Variants in TAFA1 observed in about 807,000 individuals in gnomAD.
TAFA1 encodes chemokine-like protein TAFA-1.
TAFA1 carries 4 observed loss-of-function variants against 18.5 expected under a neutral mutation model. That is an observed-to-expected ratio of 0.22 (90% CI 0.11 to 0.49). The LOEUF (loss-of-function observed/expected upper bound fraction) is 0.49. Ranked by LOEUF, TAFA1 falls within the 20% of genes least tolerant of loss-of-function variation. TAFA1 has a pLI of 0.98. For missense variants in TAFA1, 147 were observed against 169.0 expected (o/e 0.87, Z 0.72); for synonymous variants, 56 against 55.2 (o/e 1.01, Z -0.06).
chr3:68,206,353 G>A (rs2066526234), intron 2 of TAFA1, among the ~76,000 whole-genome samples: 1 of 151,778 alleles, frequency 6.6e-6, no homozygotes, highest in South Asian at 2.1e-4. Flanking sequence ...AAATGAGATA[G>A]ATGTTTTCTT....
chr3:68,299,017 G>A (rs191929822), intron 2 of TAFA1, among the ~76,000 whole-genome samples: 2 of 152,322 alleles, frequency 1.3e-5, no homozygotes, highest in Admixed American at 1.3e-4. Flanking sequence ...ATGTGGGAAA[G>A]TTTGGAACTT....
chr3:68,534,630 C>G (rs2073244795), intron 3 of TAFA1, among the ~76,000 whole-genome samples: 1 of 152,142 alleles, frequency 6.6e-6, no homozygotes, highest in Non-Finnish European at 1.5e-5. Flanking sequence ...TATAACAGTT[C>G]TGAGGACGTT....
chr3:68,180,911 C>T (rs1348988334), intron 2 of TAFA1, among the ~76,000 whole-genome samples: 1 of 152,194 alleles, frequency 6.6e-6, no homozygotes, highest in Non-Finnish European at 1.5e-5. Context: ...GATGTGCCTT[C>T]TGAGATTGGG....
intron 2 of TAFA1, among the ~76,000 whole-genome samples, chr3:68,300,867 C>T (rs541404634): frequency 6.6e-6 from 1 of 152,180 alleles, no homozygotes; most frequent in South Asian, 2.1e-4. Flanking sequence ...GCCTTGCTTC[C>T]CCTTCCACCA....
At chr3:68,487,987 A>C (rs1437881578) in intron 3 of TAFA1, among the ~76,000 whole-genome samples, 1 of 152,190 alleles carries the variant, frequency 6.6e-6, no homozygotes, top group African/African-American at 2.4e-5. Flanking sequence ...TTTCTTCTTT[A>C]CAGATGCCCC....
At chr3:68,328,552 T>C (rs2068812087) in intron 2 of TAFA1, among the ~76,000 whole-genome samples, 1 of 152,196 alleles carries the variant, frequency 6.6e-6, no homozygotes, top group East Asian at 1.9e-4. Flanking sequence ...ATTTCAACCT[T>C]GGTGGATTAT....
chr3:68,080,219 G>C (rs1381585659), intron 2 of TAFA1, among the ~76,000 whole-genome samples: 1 of 152,178 alleles, frequency 6.6e-6, no homozygotes, highest in Non-Finnish European at 1.5e-5. Flanking sequence ...CTGCACGTGA[G>C]ATGGATTTCC....
the TAFA1 span, among the ~76,000 whole-genome samples, chr3:67,997,797 T>C: frequency 6.6e-6 from 1 of 150,886 alleles, no homozygotes; most frequent in African/African-American, 2.4e-5. Flanking sequence ...AGAAAGGCAT[T>C]CCTGTTTTTA....
chr3:68,413,539 C>T (rs1247915343), intron 2 of TAFA1, among the ~76,000 whole-genome samples: 1 of 152,138 alleles, frequency 6.6e-6, no homozygotes, highest in Non-Finnish European at 1.5e-5. Context: ...AACAATAGTT[C>T]TATCTCCATC....
intron 2 of TAFA1, among the ~76,000 whole-genome samples, chr3:68,243,475 C>G (rs1417254837): frequency 6.6e-6 from 1 of 152,082 alleles, no homozygotes. Context: ...ACCTCCTCAC[C>G]CTCTGCCCTG....
chr3:68,427,115 C>A (rs937766909), intron 3 of TAFA1, among the ~76,000 whole-genome samples: 4 of 151,704 alleles, frequency 2.6e-5, no homozygotes, highest in Non-Finnish European at 1.5e-5. Flanking sequence ...TACCTAACTG[C>A]CATAAACTTG....
At chr3:68,327,230 T>G (rs6779953) in intron 2 of TAFA1, among the ~76,000 whole-genome samples, 3,335 of 152,216 alleles carry the variant, frequency 0.022, 149 homozygotes, top group East Asian at 0.17. Flanking sequence ...CTTTATAAAT[T>G]GTCAGTCTCA....
At chr3:68,082,334 TC>T (rs898033669) in intron 2 of TAFA1, among the ~76,000 whole-genome samples, 1 of 152,168 alleles carries the variant, frequency 6.6e-6, no homozygotes, top group Non-Finnish European at 1.5e-5. Flanking sequence ...TCTTGGCTCC[TC>T]CCCCCTGTTC....
intron 2 of TAFA1, among the ~76,000 whole-genome samples, chr3:68,272,651 G>T (rs1308910868): frequency 2.0e-5 from 3 of 152,072 alleles, no homozygotes; most frequent in African/African-American, 7.2e-5. Flanking sequence ...TCATCTGCCT[G>T]GGCGTAGTTT....
intron 2 of TAFA1, among the ~76,000 whole-genome samples, chr3:68,099,746 T>C (rs1176669546): frequency 6.6e-6 from 1 of 151,950 alleles, no homozygotes; most frequent in Non-Finnish European, 1.5e-5. Context: ...ATAATCAACA[T>C]AGGTACCCAT....
intron 2 of TAFA1, among the ~76,000 whole-genome samples, chr3:68,300,016 G>C (rs1432876324): frequency 6.6e-6 from 1 of 152,238 alleles, no homozygotes; most frequent in Admixed American, 6.5e-5. Context: ...GGGAAATGTG[G>C]GGTGGGAACC....
intron 3 of TAFA1, among the ~76,000 whole-genome samples, chr3:68,529,297 T>C (rs145118351): frequency 4.0e-4 from 61 of 151,986 alleles, no homozygotes; most frequent in African/African-American, 1.3e-3. Context: ...GCTTATCTTT[T>C]CTCTTTGAGT....
rs1287636365 is a variant in TAFA1 at position 68,266,738 on chromosome 3, G to A, written c.119-150542G>A. ...GATGCTTGGCACATAGTGAGGATGG[G>A]AAAGGGAAGGCCAAAGAATCTGGCA... On this transcript the variant is annotated intron_variant, in intron 2 of 4. Coordinates refer to ENST00000478136, the MANE Select transcript of TAFA1 (RefSeq NM_213609.4). Among the ~76,000 whole-genome samples the A allele has an allele frequency of 5.9e-5, 9 of 152,292 alleles. No individual in the cohort carries two copies. In the East Asian group the frequency reaches 1.5e-3, roughly 26 times the overall value.
intron 2 of TAFA1, among the ~76,000 whole-genome samples, chr3:68,079,784 A>T (rs528490295): frequency 0.014 from 2,151 of 152,218 alleles, 57 homozygotes; most frequent in African/African-American, 0.049. Flanking sequence ...AAAAATGTAT[A>T]TTCTGTTGAT....
Sources: allele counts gnomAD v4.1 joint callset (sites outside exome capture counted in the v4.1 genomes callset), GRCh38; gene constraint gnomAD v4.1.1; transcripts MANE v1.5; gene names NCBI Gene and HGNC (gene_info 2026-07-23, HGNC 2026-07-21).